The following ANKS1B variants were observed in gnomAD, a reference collection of about 807,000 sequenced individuals.
The protein encoded by ANKS1B is ankyrin repeat and sterile alpha motif domain-containing protein 1B.
Under a neutral mutation model 148.3 loss-of-function variants are expected in ANKS1B, and 36 were observed. The observed-to-expected ratio is 0.24, with a 90% CI of 0.19 to 0.32. ANKS1B has a LOEUF of 0.32. Ranked by LOEUF, ANKS1B falls within the 10% of genes least tolerant of loss-of-function variation. The pLI, the probability that ANKS1B is intolerant of heterozygous loss-of-function variation, is 1.00. For missense variants in ANKS1B, 1,157 were observed against 1,542.6 expected (o/e 0.75, Z 4.19); for synonymous variants, 542 against 560.8 (o/e 0.97, Z 0.47).
At chr12:98,778,520 C>A (rs2098702762) in intron 24 of ANKS1B, among the ~76,000 whole-genome samples, 1 of 152,198 alleles carries the variant, frequency 6.6e-6, no homozygotes, top group African/African-American at 2.4e-5. Context: ...TGGGGGAAAT[C>A]CCTGGTGAAA....
At chr12:99,903,422 G>T (rs1287371842) in intron 1 of ANKS1B, among the ~76,000 whole-genome samples, 1 of 152,200 alleles carries the variant, frequency 6.6e-6, no homozygotes, top group Non-Finnish European at 1.5e-5. Flanking sequence ...CAGGGATGCT[G>T]ATGGTAAAGT....
chr12:99,795,773 A>G (rs2066175874), intron 4 of ANKS1B, among the ~76,000 whole-genome samples: 3 of 152,136 alleles, frequency 2.0e-5, no homozygotes, highest in Middle Eastern at 3.4e-3. Context: ...AATGCCATCA[A>G]TCAGAATTCA....
At chr12:99,254,838 A>G (rs186483848) in intron 12 of ANKS1B, among the ~76,000 whole-genome samples, 170 of 152,316 alleles carry the variant, frequency 1.1e-3, no homozygotes, top group African/African-American at 3.9e-3. Flanking sequence ...AACATTAGAT[A>G]TTAATGGGAT....
chr12:99,700,747 T>A, intron 8 of ANKS1B, among the ~76,000 whole-genome samples: 1 of 152,310 alleles, frequency 6.6e-6, no homozygotes, highest in Non-Finnish European at 1.5e-5. Context: ...GGAACTACTG[T>A]ATTCCCATTC....
chr12:99,772,330 A>G (rs776568887), intron 8 of ANKS1B, among the ~76,000 whole-genome samples: 6 of 152,094 alleles, frequency 3.9e-5, no homozygotes, highest in Non-Finnish European at 8.8e-5. Flanking sequence ...TCTGCCTCAC[A>G]TAACCTTTAA....
intron 1 of ANKS1B, among the ~76,000 whole-genome samples, chr12:99,859,879 C>T (rs1047653081): frequency 1.6e-4 from 24 of 152,136 alleles, no homozygotes; most frequent in African/African-American, 2.9e-4. Context: ...AACTCCTGAC[C>T]TCAGATGAAC....
At position 99,854,050 on chromosome 12, in the gene ANKS1B, G is replaced by A. The variant is rs1339264549; in HGVS notation, c.135-28661C>T. 3.9e-5 allele frequency among the ~76,000 whole-genome samples: 6 copies of A among 152,104 alleles called. No individual in the cohort carries two copies. In the East Asian group the frequency reaches 7.7e-4, roughly 20 times the overall value. ...TTTTGAGACGGAGTCTCGCTCTGTC[G>A]CCCAGGATGGTGTGCAGTGGTGCGA... On this transcript the variant is annotated intron_variant, in intron 1 of 26. Transcript: ENST00000683438.
intron 17 of ANKS1B, among the ~76,000 whole-genome samples, chr12:98,889,179 C>G (rs369874577): frequency 9.2e-5 from 14 of 152,244 alleles, no homozygotes; most frequent in African/African-American, 3.1e-4. Flanking sequence ...TTCTGTATAT[C>G]TGCAACAAAA....
intron 5 of ANKS1B, among the ~76,000 whole-genome samples, chr12:99,780,984 G>A (rs1367987836): frequency 6.7e-6 from 1 of 148,750 alleles, no homozygotes; most frequent in Non-Finnish European, 1.5e-5. Context: ...AATATATATT[G>A]TAAGAAAGAA....
chr12:99,133,904 T>C (rs1453000297), intron 15 of ANKS1B, among the ~76,000 whole-genome samples: 1 of 152,150 alleles, frequency 6.6e-6, no homozygotes, highest in Non-Finnish European at 1.5e-5. Context: ...CTCAACCCAA[T>C]GGAATTAGCA....
intron 12 of ANKS1B, among the ~76,000 whole-genome samples, chr12:99,294,063 C>T (rs750819919): frequency 2.6e-5 from 4 of 152,044 alleles, no homozygotes; most frequent in Admixed American, 6.6e-5. Flanking sequence ...AGGGAACCCT[C>T]GTAAACTGTT....
rs542662629 is a variant in ANKS1B at position 99,086,778 on chromosome 12, G to T, written c.2527-1755C>A. 1.2e-4 allele frequency among the ~76,000 whole-genome samples: 18 copies of T among 152,294 alleles called. No individual in the cohort carries two copies. The South Asian group carries it at 3.5e-3, about 30-fold the overall frequency. ...AATTGAGGCGTCTATAGAGGTTCAA[G>T]AATTCAGATCACTATTTTTTTTGAC... On this transcript the variant is annotated intron_variant, in intron 15 of 26. Transcript: ENST00000683438.
At position 99,360,873 on chromosome 12, in the gene ANKS1B, C is replaced by T. The variant is rs1008544763; in HGVS notation, c.1756+38758G>A. Among the ~76,000 whole-genome samples, 5 of 152,170 alleles carry T rather than the reference C, an allele frequency of 3.3e-5. No homozygotes were observed. In the South Asian group the frequency reaches 6.2e-4, roughly 19 times the overall value. On this transcript the variant is annotated intron_variant, in intron 12 of 26. Transcript: ENST00000683438. ...CGCCAGGCACATAAAAACAAACACA[C>T]ATTCTCACTTATTTGTGGGATCTAA...
intron 12 of ANKS1B, among the ~76,000 whole-genome samples, chr12:99,275,331 C>G (rs1311575046): frequency 1.3e-5 from 2 of 152,034 alleles, no homozygotes; most frequent in African/African-American, 4.8e-5. Flanking sequence ...TATTAACCAC[C>G]CCCTGTCCCC....
intron 15 of ANKS1B, among the ~76,000 whole-genome samples, chr12:99,153,926 T>A (rs1262158103): frequency 6.6e-6 from 1 of 152,082 alleles, no homozygotes; most frequent in Non-Finnish European, 1.5e-5. Flanking sequence ...AATATAAGAA[T>A]CAAGAATTAG....
chr12:99,331,141 G>A (rs1487713495), intron 12 of ANKS1B, among the ~76,000 whole-genome samples: 1 of 151,786 alleles, frequency 6.6e-6, no homozygotes, highest in East Asian at 1.9e-4. Flanking sequence ...TCATGTATAT[G>A]ACCGTGCATG....
At chr12:99,506,725 C>A (rs997298884) in intron 9 of ANKS1B, among the ~76,000 whole-genome samples, 3 of 151,858 alleles carry the variant, frequency 2.0e-5, no homozygotes, top group Admixed American at 1.3e-4. Context: ...TCAAGAAGGG[C>A]AAATTTGGCT....
intron 10 of ANKS1B, among the ~76,000 whole-genome samples, chr12:99,493,297 G>A (rs61389314): frequency 0.016 from 2,403 of 152,270 alleles, 73 homozygotes; most frequent in African/African-American, 0.055. Flanking sequence ...CAGATTTGTG[G>A]TTTTAAGATT....
chr12:98,916,959 A>G (rs1361523452), intron 17 of ANKS1B, among the ~76,000 whole-genome samples: 1 of 143,628 alleles, frequency 7.0e-6, no homozygotes, highest in Non-Finnish European at 1.5e-5. Flanking sequence ...CTAGTATTCA[A>G]CTATTTTTTT....
Sources: gnomAD v4.1 joint callset for allele counts (sites outside exome capture counted in the v4.1 genomes callset) on GRCh38, gnomAD v4.1.1 for gene constraint, MANE v1.5 for transcripts, NCBI Gene and HGNC (gene_info 2026-07-23, HGNC 2026-07-21) for gene names.